The following FBXO36 variants were observed in gnomAD, a reference collection of about 807,000 sequenced individuals.
FBXO36 encodes the protein F-box only protein 36.
Under a neutral mutation model 17.0 loss-of-function variants are expected in FBXO36, and 18 were observed. That is an observed-to-expected ratio of 1.06 (90% CI 0.73 to 1.57). FBXO36 has a LOEUF of 1.57. Ranked by LOEUF, FBXO36 falls within the 40% of genes most tolerant of loss-of-function variation. The probability of loss-of-function intolerance (pLI) is 0.00; values close to 1 mark genes in which losing one functional copy is unlikely to be tolerated. For missense variants in FBXO36, 229 were observed against 221.9 expected (o/e 1.03, Z -0.20); for synonymous variants, 83 against 85.3 (o/e 0.97, Z 0.15).
chr2:229,922,974 A>G (rs1232186764), intron 1 of FBXO36, among the ~76,000 whole-genome samples: 2 of 152,202 alleles, frequency 1.3e-5, no homozygotes, highest in Non-Finnish European at 2.9e-5. Flanking sequence ...AGAACGACTC[A>G]GCCAAGTGTC....
At position 229,934,293 on chromosome 2, in the gene FBXO36, C is replaced by T. The variant is rs373623529; in HGVS notation, c.96+11684C>T. ...GCAGGAGCCTGTAGTCCCAGCTACT[C>T]GGGAGGCTGAGGCAGGAGAATGGCA... On this transcript the variant is annotated intron_variant, in intron 1 of 3. Coordinates refer to ENST00000283946, the MANE Select transcript of FBXO36 (RefSeq NM_174899.5). Among the ~76,000 whole-genome samples the T allele has an allele frequency of 1.3e-3, 201 of 152,004 alleles. 1 individual carries two copies. In the East Asian group the frequency reaches 0.021, roughly 16 times the overall value.
At chr2:229,923,295 C>A (rs1472245952) in intron 1 of FBXO36, 1 of 152,122 alleles carries the variant, frequency 6.6e-6, no homozygotes, top group Non-Finnish European at 1.5e-5. Flanking sequence ...TAACCATCGG[C>A]CTATTTTTAT....
At chr2:229,981,441 C>T (rs1247158420) in intron 2 of FBXO36, among the ~76,000 whole-genome samples, 1 of 151,782 alleles carries the variant, frequency 6.6e-6, no homozygotes, top group African/African-American at 2.4e-5. Flanking sequence ...TGCAGTAGCA[C>T]GATCACGCTC....
intron 1 of FBXO36, among the ~76,000 whole-genome samples, chr2:229,956,839 C>T (rs1326825349): frequency 6.6e-6 from 1 of 152,170 alleles, no homozygotes; most frequent in Non-Finnish European, 1.5e-5. Context: ...AGCGCCAAAC[C>T]TCATGAGGTG....
At chr2:229,949,780 C>A (rs1343016939) in intron 1 of FBXO36, among the ~76,000 whole-genome samples, 1 of 152,020 alleles carries the variant, frequency 6.6e-6, no homozygotes, top group African/African-American at 2.4e-5. Flanking sequence ...CAAAAATTAG[C>A]CGGGCGTGGT....
chr2:229,938,496 T>C (rs2076978560), intron 1 of FBXO36, among the ~76,000 whole-genome samples: 1 of 147,532 alleles, frequency 6.8e-6, no homozygotes, highest in Admixed American at 6.9e-5. Context: ...TTTTTTTTTT[T>C]TTCTTGAAGT....
rs2077418159 is a variant in FBXO36 at position 230,011,922 on chromosome 2, A to G, written c.*1038A>G. 1.3e-5 allele frequency: 2 copies of G among 152,104 alleles called. No individual in the cohort carries two copies. Among genetic ancestry groups the G allele is most frequent in the African/African-American group, 4.8e-5 (2 of 41,406 alleles). 9.4% of individuals were successfully genotyped at this position (152,104 alleles called of 1,614,324 possible). A position where few individuals can be genotyped will look rare whatever the true frequency, so the allele number is the denominator to read the frequency against. On this transcript the variant is annotated 3_prime_UTR_variant, in exon 4 of 4. Coordinates refer to ENST00000283946, the MANE Select transcript of FBXO36 (RefSeq NM_174899.5). Reference sequence around the variant, plus strand: ...GTAAAAAGAATACAGTCCTGGGGAGAAAGGTCACTTCACTGAGAAGGCTTA... The same window carrying G: ...GTAAAAAGAATACAGTCCTGGGGAGGAAGGTCACTTCACTGAGAAGGCTTA...
At chr2:229,985,557 A>G (rs2077264109) in intron 2 of FBXO36, among the ~76,000 whole-genome samples, 1 of 152,222 alleles carries the variant, frequency 6.6e-6, no homozygotes, top group East Asian at 1.9e-4. Flanking sequence ...TAGCTTCTGC[A>G]TACCTTGGGT....
chr2:229,980,552 C>T (rs898466086), intron 2 of FBXO36, among the ~76,000 whole-genome samples: 1 of 152,056 alleles, frequency 6.6e-6, no homozygotes, highest in Non-Finnish European at 1.5e-5. Flanking sequence ...GCAGACCTCA[C>T]CAGTCTCTTG....
intron 1 of FBXO36, among the ~76,000 whole-genome samples, chr2:229,935,456 C>T (rs1007146840): frequency 8.6e-5 from 13 of 151,852 alleles, no homozygotes; most frequent in African/African-American, 2.2e-4. Context: ...GAGGTTGCAG[C>T]GAGCCAAGAT....
intron 1 of FBXO36, among the ~76,000 whole-genome samples, chr2:229,957,628 G>T (rs573693918): frequency 5.9e-5 from 9 of 152,138 alleles, no homozygotes; most frequent in Non-Finnish European, 7.3e-5. Flanking sequence ...GACTCTACCT[G>T]AGGATGCATT....
At chr2:229,977,198 A>G (rs190713795) in intron 2 of FBXO36, 2 of 152,062 alleles carry the variant, frequency 1.3e-5, no homozygotes, top group South Asian at 4.1e-4. Flanking sequence ...GGGTCTCACT[A>G]TGTTGCTCAG....
chr2:229,957,503 G>T (rs905755571), intron 1 of FBXO36, among the ~76,000 whole-genome samples: 3 of 152,134 alleles, frequency 2.0e-5, no homozygotes, highest in Non-Finnish European at 2.9e-5. Context: ...CTTGAACCCG[G>T]GATGCGGAGG....
At position 229,996,936 on chromosome 2, in the gene FBXO36, T is replaced by C; in HGVS notation, c.378+13T>C. ...CAGATTTGCAAAGGTAACGGTCAAT[T>C]ATTTTATGTCTATATAGAATTTTCC... On this transcript the variant is annotated intron_variant, in intron 3 of 3. Coordinates refer to ENST00000283946, the MANE Select transcript of FBXO36 (RefSeq NM_174899.5). 6.2e-7 allele frequency: 1 copy of C among 1,601,856 alleles called. No individual in the cohort carries two copies.
At chr2:229,955,614 C>T (rs149064188) in intron 1 of FBXO36, among the ~76,000 whole-genome samples, 48 of 152,204 alleles carry the variant, frequency 3.2e-4, no homozygotes, top group Non-Finnish European at 6.2e-4. Flanking sequence ...CCATGGGAGT[C>T]GGGGGTTTTG....
intron 1 of FBXO36, among the ~76,000 whole-genome samples, chr2:229,939,754 C>T (rs2076987527): frequency 6.6e-6 from 1 of 152,186 alleles, no homozygotes; most frequent in African/African-American, 2.4e-5. Context: ...TGGCGGCCAC[C>T]TTAGCCTTTA....
intron 1 of FBXO36, among the ~76,000 whole-genome samples, chr2:229,965,982 T>A (rs1489538138): frequency 1.3e-5 from 2 of 152,212 alleles, no homozygotes; most frequent in Non-Finnish European, 2.9e-5. Flanking sequence ...TGAACTAGTT[T>A]ACAGTCCCAC....
At chr2:229,981,801 T>A (rs1187328991) in intron 2 of FBXO36, among the ~76,000 whole-genome samples, 4 of 151,982 alleles carry the variant, frequency 2.6e-5, no homozygotes, top group African/African-American at 9.7e-5. Context: ...CTCACATTGC[T>A]ATAAGGAAAT....
rs1450013692 is a variant in FBXO36 at position 230,012,938 on chromosome 2, CACAT to C, written c.*2056_*2059del. 1 of 150,670 alleles carries C rather than the reference CACAT, an allele frequency of 6.6e-6. No individual in the cohort carries two copies. The highest frequency in any genetic ancestry group is 1.5e-5 in the Non-Finnish European group (1 of 67,674). 9.3% of individuals were successfully genotyped at this position (150,670 alleles called of 1,614,324 possible). A position where few individuals can be genotyped will look rare whatever the true frequency, so the allele number is the denominator to read the frequency against. Reference sequence around the variant, plus strand: ...TGAAAACACTATGTATATACCTACTCACATATATATTATACTTACGATATATACT... The same window carrying C: ...TGAAAACACTATGTATATACCTACTCATATATTATACTTACGATATATACT... On this transcript the variant is annotated 3_prime_UTR_variant, in exon 4 of 4. Transcript: ENST00000283946.
Sources: allele counts gnomAD v4.1 joint callset (sites outside exome capture counted in the v4.1 genomes callset), GRCh38; gene constraint gnomAD v4.1.1; transcripts MANE v1.5; gene names NCBI Gene and HGNC (gene_info 2026-07-23, HGNC 2026-07-21).